The following HLCS variants were observed in gnomAD, a reference collection of about 807,000 sequenced individuals.
HLCS encodes the protein holocarboxylase synthetase.
In HLCS, 53 loss-of-function variants were observed where a neutral mutation model predicts 75.0. That is an observed-to-expected ratio of 0.71 (90% CI 0.57 to 0.89). The LOEUF is 0.89. HLCS is among the 40% of genes least tolerant of loss of function. The pLI is 0.00. For missense variants in HLCS, 966 were observed against 1,074.0 expected, an observed-to-expected ratio of 0.90 and a Z score of 1.41; for synonymous variants, 431 against 428.6, an observed-to-expected ratio of 1.01 and a Z score of -0.07.
intron 6 of HLCS, among the ~76,000 whole-genome samples, chr21:36,800,757 T>A (rs1454600858): frequency 6.6e-6 from 1 of 152,130 alleles, no homozygotes; most frequent in Non-Finnish European, 1.5e-5. Context: ...TAAAAGACAG[T>A]AACTAAAAAT....
At chr21:36,966,789 CGCGGGCAACTGGAGGCTGCG>C, upstream of HLCS, 1 of 113,428 alleles carries the variant, frequency 8.8e-6, no homozygotes, top group Middle Eastern at 4.0e-3. Flanking sequence ...CGGAAGGTGA[CGCGGGCAACTGGAGGCTGCG>C]GCGGGAGGGG....
In HLCS at chr21:36,920,494, G is replaced by A. The variant is rs566233533; in HGVS notation, c.1620+9757C>T. On this transcript the variant is annotated intron_variant, in intron 5 of 10. Transcript: ENST00000674895. ...GACTACAGTTAATAATAATTTAACTGTACATGCTCAAATAACTAAAATAAT... is the reference window on the plus strand; with the variant it reads ...GACTACAGTTAATAATAATTTAACTATACATGCTCAAATAACTAAAATAAT... Among the ~76,000 whole-genome samples, 58 of 152,182 alleles carry A rather than the reference G, an allele frequency of 3.8e-4. 2 individuals carry two copies. In the South Asian group the frequency reaches 0.011, roughly 30 times the overall value.
At chr21:36,758,451 A>G (rs2145739064) in intron 9 of HLCS, among the ~76,000 whole-genome samples, 1 of 152,206 alleles carries the variant, frequency 6.6e-6, no homozygotes, top group South Asian at 2.1e-4. Flanking sequence ...TCACTCTGTC[A>G]TCCAGAATGG....
At chr21:36,972,436 C>T (rs28694191) in intron 1 of HLCS, among the ~76,000 whole-genome samples, 62,242 of 151,984 alleles carry the variant, frequency 0.41, 13,480 homozygotes, top group South Asian at 0.53. Flanking sequence ...AGGCATGTGT[C>T]GTGCCTGGCC....
At chr21:36,831,018 T>C (rs999178672) in intron 6 of HLCS, among the ~76,000 whole-genome samples, 1 of 152,134 alleles carries the variant, frequency 6.6e-6, no homozygotes, top group Non-Finnish European at 1.5e-5. Context: ...TCGGTTTAAA[T>C]CTTATCTGCT....
chr21:36,799,404 C>A (rs771754837), intron 6 of HLCS, among the ~76,000 whole-genome samples: 27 of 152,150 alleles, frequency 1.8e-4, no homozygotes, highest in Non-Finnish European at 2.4e-4. Context: ...CACGCATAGT[C>A]TTGAATACTA....
At chr21:36,931,198 G>A (rs967821376) in intron 4 of HLCS, among the ~76,000 whole-genome samples, 5 of 145,882 alleles carry the variant, frequency 3.4e-5, no homozygotes, top group South Asian at 2.2e-4. Context: ...CAGGAGAATC[G>A]CTTGAACCCA....
intron 6 of HLCS, among the ~76,000 whole-genome samples, chr21:36,891,119 AC>A (rs1340550620): frequency 2.0e-5 from 3 of 152,220 alleles, no homozygotes; most frequent in Non-Finnish European, 4.4e-5. Context: ...TAATACATAA[AC>A]AAAAAGGCCA....
At chr21:36,935,171 T>G (rs1432904787) in intron 4 of HLCS, among the ~76,000 whole-genome samples, 1 of 152,234 alleles carries the variant, frequency 6.6e-6, no homozygotes, top group Non-Finnish European at 1.5e-5. Context: ...TAAGTGGATT[T>G]TCTGAGAATA....
At chr21:36,821,364 G>A (rs1037779223) in intron 6 of HLCS, among the ~76,000 whole-genome samples, 2 of 152,140 alleles carry the variant, frequency 1.3e-5, no homozygotes, top group East Asian at 1.9e-4. Flanking sequence ...ATCTTTCAAG[G>A]TTTTATTGAA....
At chr21:36,929,854 C>T (rs748199319) in intron 5 of HLCS, among the ~76,000 whole-genome samples, 3 of 152,216 alleles carry the variant, frequency 2.0e-5, no homozygotes, top group South Asian at 2.1e-4. Flanking sequence ...AAACCCAGAG[C>T]GCTGTTGCCA....
At chr21:36,969,381 G>A (rs572184040), upstream of HLCS, among the ~76,000 whole-genome samples, 2 of 152,224 alleles carry the variant, frequency 1.3e-5, no homozygotes, top group African/African-American at 4.8e-5. Context: ...TTGGAAGCTC[G>A]CAAGAAAAGC....
intron 6 of HLCS, among the ~76,000 whole-genome samples, chr21:36,866,178 T>TA (rs5843780): frequency 1 from 152,200 of 152,202 alleles, 76,099 homozygotes; most frequent in Non-Finnish European, 1. Context: ...ACCAAAGTAA[T>TA]ATACATGTAT....
chr21:36,764,347 A>G (rs2089958458), intron 8 of HLCS, among the ~76,000 whole-genome samples: 1 of 152,216 alleles, frequency 6.6e-6, no homozygotes, highest in Non-Finnish European at 1.5e-5. Context: ...CAGTGAGCCG[A>G]GATGGCGCCA....
chr21:36,851,519 G>A (rs1341367373), intron 6 of HLCS, among the ~76,000 whole-genome samples: 1 of 152,160 alleles, frequency 6.6e-6, no homozygotes, highest in Non-Finnish European at 1.5e-5. Context: ...TCAGAGGCTG[G>A]GAAGGGTAGT....
At chr21:36,909,163 C>T (rs766891172) in intron 5 of HLCS, among the ~76,000 whole-genome samples, 53 of 152,032 alleles carry the variant, frequency 3.5e-4, no homozygotes, top group Non-Finnish European at 7.4e-4. Context: ...CGCCACTGCA[C>T]TCCAGCCTGG....
intron 8 of HLCS, 115 bp from the exon 9 acceptor site, chr21:36,759,956 C>T: frequency 1.3e-6 from 1 of 757,644 alleles, no homozygotes; most frequent in East Asian, 2.5e-5. Context: ...TCGTCCTCTC[C>T]TCTTTTTCAG....
intron 6 of HLCS, among the ~76,000 whole-genome samples, chr21:36,800,382 G>A (rs2061162787): frequency 6.6e-6 from 1 of 152,262 alleles, no homozygotes. Context: ...AATCAGCTGA[G>A]AAAACAGAGA....
intron 6 of HLCS, among the ~76,000 whole-genome samples, chr21:36,863,306 G>A (rs1239498176): frequency 6.6e-6 from 1 of 152,130 alleles, no homozygotes; most frequent in Non-Finnish European, 1.5e-5. Context: ...ACATCAGCAA[G>A]GCTTGCAGAG....
Sources: allele counts gnomAD v4.1 joint callset (sites outside exome capture counted in the v4.1 genomes callset), GRCh38; gene constraint gnomAD v4.1.1; transcripts MANE v1.5; gene names NCBI Gene and HGNC (gene_info 2026-07-23, HGNC 2026-07-21).